The following DNAH2 variants were observed in gnomAD, a reference collection of about 807,000 sequenced individuals.
The protein encoded by DNAH2 is dynein axonemal heavy chain 2.
DNAH2 carries 323 observed loss-of-function variants against 523.5 expected under a neutral mutation model. The ratio of observed to expected loss-of-function variants is 0.62; its 90% CI spans 0.56 to 0.68. The LOEUF is 0.68. Among genes scored for constraint, DNAH2 ranks in the 30% least tolerant of loss-of-function variants. DNAH2 has a pLI of 0.00. For synonymous variants in DNAH2, 2,093 were observed against 2,177.4 expected, an observed-to-expected ratio of 0.96 and a Z score of 1.08; for missense variants, 4,907 against 5,701.5, an observed-to-expected ratio of 0.86 and a Z score of 4.49.
rs774721948 is a variant in DNAH2 at position 7,798,603 on chromosome 17, C to T, written c.8444C>T (p.Thr2815Met). ...YRQAGVELKT[T>M]SFIFVDTQIA... ...CAGGCTGGGGTGGAGCTCAAGACCA[C>T]GTCCTTCATTTTTGTGGACACCCAA... The change falls in exon 55 of 86, where the codon ACG becomes ATG. Residue 2815 changes from threonine (T) to methionine (M), a missense_variant. By Grantham distance (81) the Thr-to-Met change is moderately conservative. Around this residue, in one of 3 missense-constraint regions of DNAH2, gnomAD observed 1,851 missense variants for 2,139.4 expected, o/e 0.87. Transcript: ENST00000572933. The surrounding 1 kb of genome is among the most constrained non-coding windows in gnomAD (Gnocchi z 5.5). 18 of 1,614,050 alleles carry T rather than the reference C, an allele frequency of 1.1e-5. No individual in the cohort carries two copies. The East Asian group carries it at 2.2e-4, about 20-fold the overall frequency.
At chr17:7,735,574 G>A (rs1467498980) in intron 7 of DNAH2, among the ~76,000 whole-genome samples, 1 of 151,852 alleles carries the variant, frequency 6.6e-6, no homozygotes. Context: ...GAGTAGCTGG[G>A]ACTACAGGTG....
intron 18 of DNAH2, among the ~76,000 whole-genome samples, chr17:7,761,838 G>GTCAT (rs2076013785): frequency 2.0e-5 from 3 of 151,162 alleles, no homozygotes; most frequent in Non-Finnish European, 4.4e-5. Context: ...TGGGCCTCTG[G>GTCAT]TCATTCATTC....
Position 7,833,535 on chromosome 17 carries a change from A to C in DNAH2, c.*2A>C. 6.2e-7 allele frequency: 1 copy of C among 1,613,010 alleles called. No individual in the cohort carries two copies. On this transcript the variant is annotated 3_prime_UTR_variant, in exon 86 of 86. Transcript: ENST00000572933. ...CTACTCATGAGCCTGGACAGCTGAG[A>C]CCTCCTCCTCTTCTCCGCTTGAGAG...
In DNAH2 at chr17:7,758,950, G is replaced by A. The variant is rs2075924813; in HGVS notation, c.2274G>A (p.Met758Ile). Residue 758 changes from methionine to isoleucine, a missense_variant, in exon 15 of 86, where the codon ATG becomes ATA. By Grantham distance (10) the Met-to-Ile change is conservative (BLOSUM62 1). Around this residue, in one of 3 missense-constraint regions of DNAH2, gnomAD observed 2,806 missense variants for 3,190.8 expected, o/e 0.88. Coordinates refer to ENST00000572933, the MANE Select transcript of DNAH2 (RefSeq NM_020877.5). ...CCATTGGCTGGCGAGCCCAAGAGAT[G>A]TCAGAGAAGCTGCTGGTACGCATTA... ...TLTIGWRAQE[M>I]SEKLLVRISG... The A allele has an allele frequency of 6.2e-7, 1 of 1,614,080 alleles. No individual in the cohort carries two copies. Among genetic ancestry groups the A allele is most frequent in the South Asian group, 1.1e-5 (1 of 91,088 alleles).
chr17:7,740,396 C>T, intron 9 of DNAH2, 24 bp from the exon 10 acceptor site: 3 of 1,613,322 alleles, frequency 1.9e-6, no homozygotes, highest in Middle Eastern at 1.7e-4. Context: ...CACTCAGCTG[C>T]CACATGCCTC....
intron 63 of DNAH2, 134 bp from the exon 64 acceptor site, chr17:7,816,437 G>A: frequency 9.8e-7 from 1 of 1,024,502 alleles, no homozygotes; most frequent in Non-Finnish European, 1.4e-6. Flanking sequence ...TACAACATGA[G>A]GAAACTAGGC....
In DNAH2 at chr17:7,719,713, A is replaced by T; in HGVS notation, c.-14-8A>T. The T allele has an allele frequency of 6.2e-7, 1 of 1,614,128 alleles. No homozygotes were observed. Among genetic ancestry groups the T allele is most frequent in the Middle Eastern group, 1.7e-4 (1 of 6,052 alleles). On this transcript the variant is annotated splice_region_variant and splice_polypyrimidine_tract_variant and intron_variant, in intron 1 of 85. Transcript: ENST00000572933. Reference sequence around the variant, plus strand: ...GCTTGTAGACTCTCCACTCCTGTATACCTGTAGGTTTTGCCTGCACGATGT... The same window carrying T: ...GCTTGTAGACTCTCCACTCCTGTATTCCTGTAGGTTTTGCCTGCACGATGT...
At chr17:7,778,870 C>T (rs895091063) in intron 35 of DNAH2, among the ~76,000 whole-genome samples, 1 of 152,120 alleles carries the variant, frequency 6.6e-6, no homozygotes, top group Non-Finnish European at 1.5e-5. Flanking sequence ...CGCCCAGCCA[C>T]GTATAATTCT....
chr17:7,759,288 T>G, intron 15 of DNAH2, 134 bp from the exon 16 acceptor site: 1 of 1,428,318 alleles, frequency 7.0e-7, no homozygotes, highest in East Asian at 2.4e-5. Flanking sequence ...TCCTCACACC[T>G]CTTCCTCCAG....
chr17:7,811,555 G>A (rs866838185), intron 63 of DNAH2, among the ~76,000 whole-genome samples: 14 of 152,074 alleles, frequency 9.2e-5, no homozygotes, highest in East Asian at 3.8e-4. Context: ...TTACAGTTCC[G>A]AAGGCTGGAA....
intron 5 of DNAH2, 56 bp downstream of exon 5, chr17:7,733,371 C>A: frequency 1.9e-6 from 3 of 1,562,910 alleles, no homozygotes; most frequent in Non-Finnish European, 2.6e-6. Flanking sequence ...AACTGTACAA[C>A]TAGTGAAGTG....
At chr17:7,720,281 C>G (rs2074560564) in intron 2 of DNAH2, among the ~76,000 whole-genome samples, 2 of 152,120 alleles carry the variant, frequency 1.3e-5, no homozygotes, top group African/African-American at 4.8e-5. Context: ...ATGTTTTTCT[C>G]CCATTAAGCC....
intron 73 of DNAH2, 107 bp from the exon 74 acceptor site, chr17:7,823,335 G>T: frequency 1.9e-6 from 2 of 1,061,664 alleles, no homozygotes; most frequent in Non-Finnish European, 1.3e-6. Flanking sequence ...CCCACCGAGA[G>T]AGAGAAAAAT....
Position 7,818,355 on chromosome 17 carries a change from T to C in DNAH2, c.10431T>C (p.Tyr3477=), listed in dbSNP as rs760286406. 1.9e-6 allele frequency: 3 copies of C among 1,614,148 alleles called. No individual in the cohort carries two copies. In the South Asian group the frequency reaches 3.3e-5, roughly 18 times the overall value. ...GCATTGGCGATAAGGAGGTGGAATA[T>C]AATACCAATTTCCGTTTCTACATCA... is the stretch of plus-strand genomic sequence containing the variant. ...LMRIGDKEVE[Y]NTNFRFYITT... Residue 3477 remains tyrosine, a synonymous_variant, in exon 69 of 86, where the codon TAT becomes TAC. Transcript: ENST00000572933.
At chr17:7,825,418 G>C (rs947388767) in intron 77 of DNAH2, among the ~76,000 whole-genome samples, 6 of 152,212 alleles carry the variant, frequency 3.9e-5, no homozygotes, top group Non-Finnish European at 8.8e-5. Context: ...AGAGCTGTTT[G>C]AATCACGCAT....
At chr17:7,772,063 G>A (rs1159977683) in intron 28 of DNAH2, among the ~76,000 whole-genome samples, 1 of 152,080 alleles carries the variant, frequency 6.6e-6, no homozygotes, top group East Asian at 1.9e-4. Flanking sequence ...GCCATGGGAT[G>A]GGGTAGGGTA....
In DNAH2 at chr17:7,760,894, C is replaced by G; in HGVS notation, c.2940C>G (p.Leu980=). The change falls in exon 18 of 86, where the codon CTC becomes CTG. Residue 980 remains leucine (L), a synonymous_variant. Transcript: ENST00000572933. The surrounding 1 kb of genome is among the most constrained non-coding windows in gnomAD (Gnocchi z 4.0). ...KDSFIHRYQR[L]NPPVSSFVAD... ...CCTTCATTCATCGCTACCAGCGCCT[C>G]AACCCTCCTGTCTCTTCTTTTGTTG... is the stretch of plus-strand genomic sequence containing the variant. 6.2e-7 allele frequency: 1 copy of G among 1,614,204 alleles called. No individual in the cohort carries two copies. The highest frequency in any genetic ancestry group is 1.1e-5 in the South Asian group (1 of 91,084).
intron 39 of DNAH2, among the ~76,000 whole-genome samples, chr17:7,783,511 C>CA (rs2076657277): frequency 6.6e-6 from 1 of 151,962 alleles, no homozygotes; most frequent in Non-Finnish European, 1.5e-5. Flanking sequence ...AAAACAAAAA[C>CA]AAAAACAAAA....
At chr17:7,815,723 C>A (rs1237969667) in intron 63 of DNAH2, among the ~76,000 whole-genome samples, 1 of 150,952 alleles carries the variant, frequency 6.6e-6, no homozygotes, top group Non-Finnish European at 1.5e-5. Context: ...ATCACACACA[C>A]GTATACGGGA....
Sources: allele counts gnomAD v4.1 joint callset (sites outside exome capture counted in the v4.1 genomes callset), GRCh38; gene constraint gnomAD v4.1.1; regional missense constraint gnomAD v4.1.1; non-coding constraint Gnocchi (gnomAD v3.1); transcripts MANE v1.5; gene names NCBI Gene and HGNC (gene_info 2026-07-23, HGNC 2026-07-21).